The following ERI1 variants were observed in gnomAD, a reference collection of about 807,000 sequenced individuals.
ERI1 encodes the protein 3'-5' exoribonuclease 1.
In ERI1, 39 loss-of-function variants were observed where a neutral mutation model predicts 39.7. The observed-to-expected ratio is 0.98, with a 90% confidence interval of 0.76 to 1.28. ERI1 has a LOEUF of 1.28. Ranked by LOEUF, ERI1 falls within the 50% of genes most tolerant of loss-of-function variation. The pLI is 0.00. For missense variants in ERI1, 581 were observed against 416.9 expected (o/e 1.39, Z -3.43); for synonymous variants, 204 against 149.6 (o/e 1.36, Z -2.65).
At chr8:9,065,639 G>C (rs890769171) in intron 3 of ERI1, among the ~76,000 whole-genome samples, 2 of 148,864 alleles carry the variant, frequency 1.3e-5, no homozygotes, top group African/African-American at 2.5e-5. Flanking sequence ...AGCTTGCAGT[G>C]AGCTGAGATC....
At chr8:9,008,808 A>G (rs1816332393) in intron 2 of ERI1, among the ~76,000 whole-genome samples, 1 of 152,212 alleles carries the variant, frequency 6.6e-6, no homozygotes, top group Non-Finnish European at 1.5e-5. Flanking sequence ...TAAACGGTAG[A>G]ACTGCCAGGC....
Position 9,007,286 on chromosome 8 carries a change from G to C in ERI1, c.109-684G>C, listed in dbSNP as rs140790288. Among the ~76,000 whole-genome samples, 70 of 152,222 alleles carry C rather than the reference G, an allele frequency of 4.6e-4. No homozygotes were observed. In the East Asian group the frequency reaches 0.011, roughly 25 times the overall value. ...AATACATTTCCTTCTTTGAGTACTA[G>C]GAAGCTGTAAATTAGATTTGCGGTC... On this transcript the variant is annotated intron_variant, in intron 1 of 6. Coordinates refer to ENST00000250263, the MANE Select transcript of ERI1 (RefSeq NM_153332.4).
chr8:9,019,145 A>G (rs943731389), intron 5 of ERI1, among the ~76,000 whole-genome samples: 2 of 152,310 alleles, frequency 1.3e-5, no homozygotes, highest in Admixed American at 6.5e-5. Flanking sequence ...TGTTAAATGA[A>G]AAGCTAAATG....
chr8:9,005,514 GT>G lies in ERI1; in HGVS notation c.108+2361del, dbSNP rs60847461. Among the ~76,000 whole-genome samples, 659 of 130,812 alleles carry G rather than the reference GT, an allele frequency of 5.0e-3. 2 individuals carry two copies. The highest frequency in any genetic ancestry group is 0.01 in the African/African-American group (360 of 35,636). The allele number at this position is 130,812 out of a possible 152,430, so 85.8% of individuals were successfully genotyped here. A position where few individuals can be genotyped will look rare whatever the true frequency, so the allele number is the denominator to read the frequency against. On this transcript the variant is annotated intron_variant, in intron 1 of 6. Transcript: ENST00000250263. ...TTAAGTTCAACAACAGTTTTTTTATGTTTTTTTTTTTTTTTTTTGAGAGGGA... is the reference window on the plus strand; with the variant it reads ...TTAAGTTCAACAACAGTTTTTTTATGTTTTTTTTTTTTTTTTTGAGAGGGA...
Position 9,031,315 on chromosome 8 carries a change from A to G in ERI1, c.*1281A>G, listed in dbSNP as rs1412784396. 2 of 152,238 alleles carry G rather than the reference A, an allele frequency of 1.3e-5. No homozygotes were observed. Among genetic ancestry groups the G allele is most frequent in the East Asian group, 1.9e-4 (1 of 5,202 alleles). 9.4% of individuals were successfully genotyped at this position (152,238 alleles called of 1,614,324 possible). A position where few individuals can be genotyped will look rare whatever the true frequency, so the allele number is the denominator to read the frequency against. On this transcript the variant is annotated 3_prime_UTR_variant, in exon 7 of 7. Transcript: ENST00000250263. ...TTTTCTTGGCGTGGGAATTCTCTAC[A>G]TAGGGCAGTAGATTTCTTAAGCCAA...
chr8:9,070,445 A>C (rs1274805591), intron 3 of ERI1, among the ~76,000 whole-genome samples: 1 of 152,172 alleles, frequency 6.6e-6, no homozygotes, highest in Non-Finnish European at 1.5e-5. Flanking sequence ...CTATGATCCC[A>C]CCACTGAACT....
At position 9,055,553 on chromosome 8, in the gene ERI1, G is replaced by A. The variant is rs1205668312; in HGVS notation, n.299+35089G>A. ...GCTGATACATTGACAGGTGGGGGAA[G>A]GTGAGAGTAATATTTTGTTGTTGTC... On this transcript the variant is annotated intron_variant and non_coding_transcript_variant, in intron 3 of 3. Coordinates refer to the ERI1 transcript ENST00000518663. 1.3e-5 allele frequency among the ~76,000 whole-genome samples: 2 copies of A among 152,122 alleles called. 1 individual carries two copies. The highest frequency in any genetic ancestry group is 2.9e-5 in the Non-Finnish European group (2 of 68,014).
At chr8:9,008,802 C>T (rs983330106) in intron 2 of ERI1, among the ~76,000 whole-genome samples, 7 of 152,014 alleles carry the variant, frequency 4.6e-5, no homozygotes, top group Admixed American at 2.0e-4. Flanking sequence ...TTTTGATAAA[C>T]GGTAGAACTG....
At chr8:9,085,218 T>G (rs753239245) in intron 3 of ERI1, among the ~76,000 whole-genome samples, 20 of 152,182 alleles carry the variant, frequency 1.3e-4, no homozygotes, top group Non-Finnish European at 2.2e-4. Flanking sequence ...TTGCTGTTGT[T>G]GTTGTTTTGA....
At chr8:9,089,678 T>A (rs985440900) in intron 3 of ERI1, among the ~76,000 whole-genome samples, 1 of 152,162 alleles carries the variant, frequency 6.6e-6, no homozygotes, top group African/African-American at 2.4e-5. Flanking sequence ...AATCCTATGC[T>A]GTTCTCCCCA....
At chr8:9,024,424 C>T (rs1394213921) in intron 6 of ERI1, among the ~76,000 whole-genome samples, 2 of 151,496 alleles carry the variant, frequency 1.3e-5, no homozygotes, top group African/African-American at 2.4e-5. Context: ...CTTTTCTTTT[C>T]TTTTCTTTTC....
rs74934383 is a variant in ERI1, at chr8:9,008,597, A to T, written c.287+449A>T. ...TTTTTGTTTTAATTTCTAAAAAATAATCTACAATGATCGTTTGCATTATGT... is the reference window on the plus strand; with the variant it reads ...TTTTTGTTTTAATTTCTAAAAAATATTCTACAATGATCGTTTGCATTATGT... On this transcript the variant is annotated intron_variant, in intron 2 of 6. Transcript: ENST00000250263. Among the ~76,000 whole-genome samples, 23 of 152,372 alleles carry T rather than the reference A, an allele frequency of 1.5e-4. No individual in the cohort carries two copies. In the East Asian group the frequency reaches 3.9e-3, roughly 26 times the overall value.
chr8:9,037,058 C>T (rs1001630673), downstream of ERI1, among the ~76,000 whole-genome samples: 1 of 152,172 alleles, frequency 6.6e-6, no homozygotes, highest in African/African-American at 2.4e-5. Context: ...ATTTAACAGA[C>T]TTCTCTCTTG....
In ERI1 at chr8:9,003,146, A is replaced by G. The variant is rs1431343866; in HGVS notation, c.83A>G (p.Glu28Gly). Residue 28 changes from glutamate (E) to glycine (G), a missense_variant, in exon 1 of 7, where the codon GAG becomes GGG. Physicochemically the swap from Glu to Gly is moderately conservative, Grantham distance 98. Transcript: ENST00000250263. ...LLESPRPEGGEEPPRPSPEET... is the reference protein window; with the variant it reads ...LLESPRPEGGGEPPRPSPEET... Reference sequence around the variant, plus strand: ...GAGTCGCCGCGGCCGGAGGGCGGGGAGGAGCCGCCGCGTCCCAGTCCCGAG... The same window carrying G: ...GAGTCGCCGCGGCCGGAGGGCGGGGGGGAGCCGCCGCGTCCCAGTCCCGAG... 8.8e-6 allele frequency: 11 copies of G among 1,244,020 alleles called. No individual in the cohort carries two copies. Among genetic ancestry groups the G allele is most frequent in the East Asian group, 3.1e-5 (1 of 31,812 alleles). The allele number at this position is 1,244,020 out of a possible 1,614,324, so 77.1% of individuals were successfully genotyped here. A position where few individuals can be genotyped will look rare whatever the true frequency, so the allele number is the denominator to read the frequency against.
At chr8:9,010,766 A>C (rs1288159554) in intron 2 of ERI1, among the ~76,000 whole-genome samples, 1 of 152,196 alleles carries the variant, frequency 6.6e-6, no homozygotes, top group African/African-American at 2.4e-5. Context: ...TGTTTAAAGA[A>C]TGAAGTCACC....
intron 3 of ERI1, among the ~76,000 whole-genome samples, chr8:9,013,712 C>T (rs755468060): frequency 6.6e-6 from 1 of 152,106 alleles, no homozygotes; most frequent in Non-Finnish European, 1.5e-5. Context: ...TACCCCAGCC[C>T]ATTCTATCTT....
intron 3 of ERI1, among the ~76,000 whole-genome samples, chr8:9,075,773 G>A (rs929121124): frequency 2.6e-5 from 4 of 152,136 alleles, no homozygotes; most frequent in African/African-American, 9.7e-5. Flanking sequence ...TACTATTACA[G>A]TGAAAGGGAA....
intron 3 of ERI1, among the ~76,000 whole-genome samples, chr8:9,042,409 A>G (rs1798053988): frequency 6.6e-6 from 1 of 152,184 alleles, no homozygotes; most frequent in Non-Finnish European, 1.5e-5. Context: ...TAAATTTTAT[A>G]CATTAAGAAA....
chr8:9,009,050 A>G (rs1409528175), intron 2 of ERI1: 3 of 456,314 alleles, frequency 6.6e-6, no homozygotes, highest in Non-Finnish European at 1.3e-5. Flanking sequence ...TGTAGCCTAC[A>G]GAAGATTTTC....
Sources: allele counts gnomAD v4.1 joint callset (sites outside exome capture counted in the v4.1 genomes callset), GRCh38; gene constraint gnomAD v4.1.1; transcripts MANE v1.5; gene names NCBI Gene and HGNC (gene_info 2026-07-23, HGNC 2026-07-21).